The following TXLNB variants were observed in gnomAD, a reference collection of about 807,000 sequenced individuals.
TXLNB encodes the protein beta-taxilin.
TXLNB carries 37 observed loss-of-function variants against 57.4 expected under a neutral mutation model. The observed-to-expected ratio is 0.64, with a 90% CI of 0.50 to 0.85. The LOEUF is 0.85. TXLNB is among the 40% of genes least tolerant of loss of function. The pLI is 0.00. For synonymous variants in TXLNB, 302 were observed against 309.6 expected (o/e 0.98, Z 0.26); for missense variants, 848 against 825.6 (o/e 1.03, Z -0.33).
intron 1 of TXLNB, 87 bp from the exon 2 acceptor site, chr6:139,289,000 G>A: frequency 1.1e-6 from 1 of 933,872 alleles, no homozygotes; most frequent in South Asian, 1.6e-5. Context: ...TATCCCCCAA[G>A]TGAATACCAA....
the TXLNB span, among the ~76,000 whole-genome samples, chr6:139,304,824 G>A: frequency 2.0e-5 from 3 of 152,152 alleles, no homozygotes; most frequent in African/African-American, 7.2e-5. Context: ...TATCAATCCA[G>A]AGGTATTTGT....
At chr6:139,221,539 T>C in the TXLNB span, among the ~76,000 whole-genome samples, 1 of 152,130 alleles carries the variant, frequency 6.6e-6, no homozygotes. Context: ...GGTATATCTC[T>C]AGGCAAAATT....
chr6:139,244,399 T>G (rs143045382), intron 9 of TXLNB, among the ~76,000 whole-genome samples, 196 bp downstream of exon 9: 1 of 152,204 alleles, frequency 6.6e-6, no homozygotes, highest in Non-Finnish European at 1.5e-5. Context: ...AAACTCTTTC[T>G]GAGTCTGGAC....
At chr6:139,222,732 G>A in the TXLNB span, among the ~76,000 whole-genome samples, 3 of 152,164 alleles carry the variant, frequency 2.0e-5, no homozygotes, top group African/African-American at 7.2e-5. Context: ...CTTAGAACCC[G>A]GGAGGTGGAG....
At chr6:139,318,977 C>CTGT in the TXLNB span, among the ~76,000 whole-genome samples, 1 of 124,126 alleles carries the variant, frequency 8.1e-6, no homozygotes, top group Non-Finnish European at 1.6e-5. Context: ...GAGTCTTGCT[C>CTGT]TGTCACCCAG....
chr6:139,255,324 C>T (rs1776307663), intron 7 of TXLNB: 1 of 542,740 alleles, frequency 1.8e-6, no homozygotes, highest in Non-Finnish European at 3.5e-6. Context: ...CATCCATTGT[C>T]TGTCAACAAA....
chr6:139,196,037 T>C, the TXLNB span, among the ~76,000 whole-genome samples: 1 of 151,972 alleles, frequency 6.6e-6, no homozygotes, highest in Non-Finnish European at 1.5e-5. Flanking sequence ...ACCTCAAAAA[T>C]AACATTGAAA....
At position 139,262,585 on chromosome 6, in the gene TXLNB, T is replaced by C. The variant is rs746171699; in HGVS notation, c.876A>G (p.Arg292=). 1 of 1,612,998 alleles carries C rather than the reference T, an allele frequency of 6.2e-7. No homozygotes were observed. Among genetic ancestry groups the C allele is most frequent in the Non-Finnish European group, 8.5e-7 (1 of 1,179,454 alleles). ...TGTTTGATGTGGTTCTCACCTCCTCTCTGAGCTCATACTGATCGATGATGC... is the reference window on the plus strand; with the variant it reads ...TGTTTGATGTGGTTCTCACCTCCTCCCTGAGCTCATACTGATCGATGATGC... ...LKSIIDQYEL[R]EEHLDKIFKH... The change falls in exon 5 of 10, where the codon AGA becomes AGG. Residue 292 remains arginine, a synonymous_variant. Transcript: ENST00000358430.
intron 7 of TXLNB, among the ~76,000 whole-genome samples, chr6:139,253,821 A>G (rs1292063411): frequency 6.6e-6 from 1 of 152,186 alleles, no homozygotes; most frequent in Non-Finnish European, 1.5e-5. Flanking sequence ...TTTTGCATGG[A>G]GGAGTAGAGA....
chr6:139,166,748 G>T, the TXLNB span: 1 of 1,613,724 alleles, frequency 6.2e-7, no homozygotes, highest in Non-Finnish European at 8.5e-7. Context: ...GCATTCCATG[G>T]ACCGGCAGAA....
At chr6:139,193,845 T>A in the TXLNB span, among the ~76,000 whole-genome samples, 1,605 of 59,660 alleles carry the variant, frequency 0.027, 20 homozygotes, top group South Asian at 0.06. Context: ...TATATATTTT[T>A]TTTTTTTTTT....
chr6:139,186,297 G>A, the TXLNB span, among the ~76,000 whole-genome samples: 1 of 152,028 alleles, frequency 6.6e-6, no homozygotes, highest in Non-Finnish European at 1.5e-5. Context: ...AAAGACAAGC[G>A]CCACAGACTG....
At chr6:139,174,377 G>C in the TXLNB span, 2 of 1,612,128 alleles carry the variant, frequency 1.2e-6, no homozygotes, top group Admixed American at 1.7e-5. Flanking sequence ...TGTGTCTTCT[G>C]TGCACAGGGA....
At chr6:139,181,187 A>C in the TXLNB span, among the ~76,000 whole-genome samples, 2 of 152,250 alleles carry the variant, frequency 1.3e-5, no homozygotes, top group South Asian at 2.1e-4. Flanking sequence ...ATTTCCCTGA[A>C]ATGCTAGTTC....
Position 139,240,169 on chromosome 6 carries a change from TTACA to T in TXLNB, c.*2353_*2356del, listed in dbSNP as rs1775899000. 1 of 152,614 alleles carries T rather than the reference TTACA, an allele frequency of 6.6e-6. No individual in the cohort carries two copies. Among genetic ancestry groups the T allele is most frequent in the African/African-American group, 2.4e-5 (1 of 41,438 alleles). The allele number at this position is 152,614 out of a possible 1,614,324, so 9.5% of individuals were successfully genotyped here. A position where few individuals can be genotyped will look rare whatever the true frequency, so the allele number is the denominator to read the frequency against. On this transcript the variant is annotated 3_prime_UTR_variant, in exon 10 of 10. Transcript: ENST00000358430. ...AGTAGATGGCATTTCTAAAAAATAG[TTACA>T]TACACTTGATAAAGAACAGACATTC...
rs146502392 is a variant in TXLNB at position 139,256,968 on chromosome 6, G to C, written c.1003-1330C>G. On this transcript the variant is annotated intron_variant, in intron 6 of 9. Coordinates refer to ENST00000358430, the MANE Select transcript of TXLNB (RefSeq NM_153235.4). The stretch of plus-strand genomic sequence containing the variant: ...AAATCCTGGCCCCTGAGAGCTGATG[G>C]GTTAAATTGGAAAGGGGATTTGGGC... 5.5e-3 allele frequency among the ~76,000 whole-genome samples: 838 copies of C among 152,256 alleles called. 5 individuals carry two copies. Among genetic ancestry groups the C allele is most frequent in the Non-Finnish European group, 8.1e-3 (548 of 68,018 alleles).
intron 5 of TXLNB, among the ~76,000 whole-genome samples, chr6:139,260,789 T>C (rs984030559): frequency 1.6e-4 from 25 of 152,224 alleles, no homozygotes; most frequent in African/African-American, 6.0e-4. Context: ...GTATACAATA[T>C]ACAGGGGCTA....
chr6:139,261,640 T>G (rs1165158423), intron 5 of TXLNB, among the ~76,000 whole-genome samples: 3 of 152,092 alleles, frequency 2.0e-5, no homozygotes, highest in Non-Finnish European at 4.4e-5. Context: ...CTATTCAAAG[T>G]AAAAGGCTTT....
chr6:139,196,095 G>C, the TXLNB span, among the ~76,000 whole-genome samples: 6 of 152,074 alleles, frequency 3.9e-5, no homozygotes, highest in African/African-American at 1.4e-4. Context: ...ATTTTCTTTG[G>C]GGAGGAAAGG....
Sources: gnomAD v4.1 joint callset for allele counts (sites outside exome capture counted in the v4.1 genomes callset) on GRCh38, gnomAD v4.1.1 for gene constraint, MANE v1.5 for transcripts, NCBI Gene and HGNC (gene_info 2026-07-23, HGNC 2026-07-21) for gene names.